Variants in WWC2 observed in about 807,000 individuals in gnomAD.
The protein encoded by WWC2 is protein WWC2.
A neutral mutation model predicts 138.5 loss-of-function variants in WWC2; 101 were observed. That is an observed-to-expected ratio of 0.73 (90% confidence interval 0.62 to 0.86). WWC2 has a LOEUF of 0.86. WWC2 is among the 40% of genes least tolerant of loss of function. The pLI is 0.00. For synonymous variants in WWC2, 558 were observed against 538.4 expected (o/e 1.04, Z -0.50); for missense variants, 1,420 against 1,419.4 (o/e 1.00, Z -0.01).
chr4:183,144,902 G>A (rs556521075), intron 1 of WWC2, among the ~76,000 whole-genome samples: 1 of 152,326 alleles, frequency 6.6e-6, no homozygotes, highest in Admixed American at 6.5e-5. Context: ...TAAATCCACT[G>A]TGCTTTTCTT....
chr4:183,289,808 AC>A (rs1738382297), intron 21 of WWC2, among the ~76,000 whole-genome samples, 173 bp downstream of exon 21: 1 of 150,730 alleles, frequency 6.6e-6, no homozygotes, highest in South Asian at 2.1e-4. Context: ...TTTTTTCCAA[AC>A]CAAAAATGTT....
At chr4:183,240,826 C>T (rs959471814) in intron 5 of WWC2, among the ~76,000 whole-genome samples, 2 of 152,206 alleles carry the variant, frequency 1.3e-5, no homozygotes, top group African/African-American at 4.8e-5. Context: ...TTCCCGTTTG[C>T]TACTGAAGTT....
chr4:183,223,293 C>T (rs953744367), intron 4 of WWC2, among the ~76,000 whole-genome samples: 1 of 152,164 alleles, frequency 6.6e-6, no homozygotes, highest in Admixed American at 6.5e-5. Context: ...TGCCCAACAT[C>T]GTATTTCTAA....
At chr4:183,262,591 C>T (rs1156476858) in intron 11 of WWC2, among the ~76,000 whole-genome samples, 2 of 152,238 alleles carry the variant, frequency 1.3e-5, no homozygotes, top group Non-Finnish European at 2.9e-5. Flanking sequence ...TGTGGGAGGG[C>T]CCATGAGACA....
At chr4:183,156,467 G>T (rs980739514) in intron 1 of WWC2, among the ~76,000 whole-genome samples, 1 of 152,090 alleles carries the variant, frequency 6.6e-6, no homozygotes, top group East Asian at 1.9e-4. Flanking sequence ...AAGTAGCTGG[G>T]ATTACAGGCA....
At chr4:183,262,783 C>T (rs539666348) in intron 11 of WWC2, among the ~76,000 whole-genome samples, 62 of 152,024 alleles carry the variant, frequency 4.1e-4, no homozygotes, top group Middle Eastern at 6.8e-3. Context: ...TGTGTGCGTG[C>T]GTGCGTGCGT....
intron 5 of WWC2, among the ~76,000 whole-genome samples, chr4:183,243,190 A>G (rs942494565): frequency 2.0e-5 from 3 of 152,174 alleles, no homozygotes; most frequent in African/African-American, 7.2e-5. Flanking sequence ...TTTATTTTCA[A>G]ATGATAAAGT....
In WWC2 at chr4:183,312,288, G is replaced by A. The variant is rs1201016176; in HGVS notation, c.3385-53G>A. The stretch of plus-strand genomic sequence containing the variant: ...TTGAAGCTTCATAGGATGTCTCCAG[G>A]GATTTCTAATCAGTGTTTTGTGTGT... On this transcript the variant is annotated intron_variant, in intron 21 of 22. Coordinates refer to ENST00000403733, the MANE Select transcript of WWC2 (RefSeq NM_024949.6). 5 of 1,596,724 alleles carry A rather than the reference G, an allele frequency of 3.1e-6. No homozygotes were observed. In the Admixed American group the frequency reaches 8.4e-5, roughly 27 times the overall value.
At chr4:183,237,248 T>C (rs962113633) in intron 4 of WWC2, among the ~76,000 whole-genome samples, 1 of 152,096 alleles carries the variant, frequency 6.6e-6, no homozygotes, top group African/African-American at 2.4e-5. Context: ...TTTTCAATGG[T>C]AAAGACAGGT....
At position 183,269,162 on chromosome 4, in the gene WWC2, T is replaced by C; in HGVS notation, c.2399T>C (p.Leu800Pro). The stretch of plus-strand genomic sequence containing the variant: ...AGTAAACACCGAAGGGAAGAATGCC[T>C]GGTAGGATTCTTCATAATTCCCATT... ...SVSKHRREECLAGTQISLADL... is the reference protein window; with the variant it reads ...SVSKHRREECPAGTQISLADL... The change falls in exon 15 of 23, where the codon CTG becomes CCG. Residue 800 changes from leucine to proline, a missense_variant and splice_region_variant. By Grantham distance (98) the Leu-to-Pro change is moderately conservative. Coordinates refer to ENST00000403733, the MANE Select transcript of WWC2 (RefSeq NM_024949.6). The C allele has an allele frequency of 6.2e-7, 1 of 1,605,656 alleles. No homozygotes were observed. Among genetic ancestry groups the C allele is most frequent in the African/African-American group, 1.3e-5 (1 of 74,096 alleles).
chr4:183,282,016 A>G (rs1738092280), intron 17 of WWC2, among the ~76,000 whole-genome samples: 1 of 152,212 alleles, frequency 6.6e-6, no homozygotes, highest in South Asian at 2.1e-4. Flanking sequence ...TATGTCACCA[A>G]TCAAATTAAA....
chr4:183,150,848 T>C (rs1353513927), intron 1 of WWC2, among the ~76,000 whole-genome samples: 1 of 152,192 alleles, frequency 6.6e-6, no homozygotes, highest in African/African-American at 2.4e-5. Flanking sequence ...TTCATCCGTG[T>C]CGCTACAAAG....
chr4:183,267,959 A>G (rs115754013), intron 14 of WWC2, among the ~76,000 whole-genome samples: 243 of 152,318 alleles, frequency 1.6e-3, no homozygotes, highest in African/African-American at 5.6e-3. Flanking sequence ...GACAAGCAGA[A>G]AAGATTTTCT....
chr4:183,100,763 A>G (rs1229109437), intron 1 of WWC2, among the ~76,000 whole-genome samples: 1 of 152,240 alleles, frequency 6.6e-6, no homozygotes. Flanking sequence ...AGAAAGTTAT[A>G]AATAACATTA....
intron 1 of WWC2, among the ~76,000 whole-genome samples, chr4:183,178,827 A>G (rs1734540694): frequency 6.6e-6 from 1 of 152,216 alleles, no homozygotes; most frequent in South Asian, 2.1e-4. Flanking sequence ...CATGGCCCCA[A>G]GTCCCCTTAC....
intron 1 of WWC2, among the ~76,000 whole-genome samples, chr4:183,162,564 C>T (rs1183139416): frequency 1.3e-5 from 2 of 152,142 alleles, no homozygotes; most frequent in Non-Finnish European, 2.9e-5. Flanking sequence ...ATTCCCTTTA[C>T]TCTTTGGCAC....
At chr4:183,248,161 A>C (rs1736857380) in intron 6 of WWC2, among the ~76,000 whole-genome samples, 2 of 152,328 alleles carry the variant, frequency 1.3e-5, no homozygotes, top group South Asian at 2.1e-4. Flanking sequence ...GTAGACACAC[A>C]GATGGGCTTG....
intron 4 of WWC2, among the ~76,000 whole-genome samples, chr4:183,223,736 G>A (rs372750952): frequency 6.6e-6 from 1 of 151,626 alleles, no homozygotes; most frequent in Admixed American, 6.6e-5. Context: ...CTTTTTTTGA[G>A]ACGGAGTCTC....
intron 1 of WWC2, 84 bp from the exon 2 acceptor site, chr4:183,193,515 G>T: frequency 6.3e-6 from 7 of 1,116,734 alleles, no homozygotes; most frequent in South Asian, 1.3e-5. Flanking sequence ...ATGCAACCTA[G>T]ACACTTGTGG....
Sources: gnomAD v4.1 joint callset for allele counts (sites outside exome capture counted in the v4.1 genomes callset) on GRCh38, gnomAD v4.1.1 for gene constraint, MANE v1.5 for transcripts, NCBI Gene and HGNC (gene_info 2026-07-23, HGNC 2026-07-21) for gene names.